Variants in SPATA6L observed in about 807,000 individuals in gnomAD.
SPATA6L encodes the protein spermatogenesis associated 6 like, also known as spermatogenesis associated 6-like protein.
Under a neutral mutation model 49.2 loss-of-function variants are expected in SPATA6L, and 68 were observed. The ratio of observed to expected loss-of-function variants is 1.38; its 90% CI spans 1.14 to 1.69. The LOEUF is 1.69. Ranked by LOEUF, SPATA6L falls within the 40% of genes most tolerant of loss-of-function variation. The pLI is 0.00. For synonymous variants in SPATA6L, 198 were observed against 165.7 expected (o/e 1.19, Z -1.50); for missense variants, 668 against 464.3 (o/e 1.44, Z -4.03).
chr9:4,654,303 C>G (rs1214797937), intron 3 of SPATA6L, among the ~76,000 whole-genome samples: 5 of 152,336 alleles, frequency 3.3e-5, no homozygotes, highest in South Asian at 2.1e-4. Context: ...CTTTGTCCCC[C>G]TCTCAGGACG....
intron 4 of SPATA6L, among the ~76,000 whole-genome samples, chr9:4,629,769 GTATA>G (rs35908661): frequency 0.015 from 1,511 of 101,912 alleles, 23 homozygotes; most frequent in African/African-American, 0.029. Context: ...GTGTGTGTGT[GTATA>G]TATATATATA....
At position 4,600,491 on chromosome 9, in the gene SPATA6L, G is replaced by GAGAGAGA. The variant is rs1564096426; in HGVS notation, c.*319_*320insTCTCTCT. On this transcript the variant is annotated 3_prime_UTR_variant, in exon 12 of 12. Transcript: ENST00000682582. The stretch of plus-strand genomic sequence containing the variant: ...AGAGAGACAGAGAGAGCCAGAGAGA[G>GAGAGAGA]CCAGAGAGAGAGAGAGGGGAAGTGT... 6.9e-6 allele frequency: 1 copy of GAGAGAGA among 144,560 alleles called. No individual in the cohort carries two copies. The highest frequency in any genetic ancestry group is 1.5e-5 in the Non-Finnish European group (1 of 65,810). The allele number at this position is 144,560 out of a possible 1,614,324, so 9.0% of individuals were successfully genotyped here.
intron 9 of SPATA6L, among the ~76,000 whole-genome samples, chr9:4,612,495 T>C (rs1313174426): frequency 6.6e-6 from 1 of 152,094 alleles, no homozygotes; most frequent in Non-Finnish European, 1.5e-5. Flanking sequence ...CCCTTCAGAG[T>C]TCAGTTCAAT....
At chr9:4,635,171 AG>A in intron 4 of SPATA6L, 103 bp downstream of exon 4, 3 of 1,250,392 alleles carry the variant, frequency 2.4e-6, no homozygotes, top group Non-Finnish European at 1.1e-6. Context: ...ACAGAACAGC[AG>A]GGGTACTAAC....
intron 3 of SPATA6L, among the ~76,000 whole-genome samples, chr9:4,644,006 C>CA (rs956205571): frequency 4.0e-5 from 6 of 150,328 alleles, no homozygotes; most frequent in Non-Finnish European, 8.9e-5. Context: ...GATTCTGTCT[C>CA]AAAAAAATCA....
chr9:4,644,529 C>A (rs943190030), intron 3 of SPATA6L, among the ~76,000 whole-genome samples: 2 of 151,946 alleles, frequency 1.3e-5, no homozygotes, highest in African/African-American at 4.8e-5. Context: ...TAAAGATTCT[C>A]TCAGGATTAC....
chr9:4,604,898 T>A (rs1444853060), intron 10 of SPATA6L, among the ~76,000 whole-genome samples: 1 of 152,206 alleles, frequency 6.6e-6, no homozygotes, highest in African/African-American at 2.4e-5. Context: ...GTAAAAGTCA[T>A]ACAGCCAAAA....
intron 6 of SPATA6L, among the ~76,000 whole-genome samples, chr9:4,624,328 G>C (rs1221590513): frequency 6.6e-6 from 1 of 152,224 alleles, no homozygotes; most frequent in Non-Finnish European, 1.5e-5. Flanking sequence ...GCATAAGGCA[G>C]AGAAATTGCG....
chr9:4,646,286 C>T (rs902680035), intron 3 of SPATA6L: 2 of 373,220 alleles, frequency 5.4e-6, no homozygotes, highest in Non-Finnish European at 9.4e-6. Context: ...TGCCATGAAA[C>T]ACCATAAAGT....
intron 3 of SPATA6L, among the ~76,000 whole-genome samples, chr9:4,653,913 G>C (rs1413993014): frequency 6.6e-6 from 1 of 152,202 alleles, no homozygotes; most frequent in Non-Finnish European, 1.5e-5. Flanking sequence ...CTCCAGGCTA[G>C]GTGACAGAGC....
Position 4,662,240 on chromosome 9 carries a change from C to A in SPATA6L, c.40-204G>T. 7.0e-7 allele frequency: 1 copy of A among 1,434,648 alleles called. No homozygotes were observed. Among genetic ancestry groups the A allele is most frequent in the Non-Finnish European group, 9.1e-7 (1 of 1,099,826 alleles). The allele number at this position is 1,434,648 out of a possible 1,614,324, so 88.9% of individuals were successfully genotyped here. ...TTCCAACTCCCTCCCACGTCTCCAC[C>A]AGGTGTCACAATCGCGCTCTCGCCG... On this transcript the variant is annotated intron_variant, in intron 1 of 11. Coordinates refer to ENST00000682582, the MANE Select transcript of SPATA6L (RefSeq NM_001353486.2). This position sits in a 1 kb window ranked among gnomAD's most constrained non-coding sequence, Gnocchi z 4.9.
chr9:4,596,231 G>A (rs921279337), downstream of SPATA6L, among the ~76,000 whole-genome samples: 15 of 152,124 alleles, frequency 9.9e-5, no homozygotes, highest in African/African-American at 3.1e-4. Flanking sequence ...AGGGTCCTGC[G>A]CAATACTGAG....
chr9:4,647,266 T>C (rs1835609242), intron 3 of SPATA6L, among the ~76,000 whole-genome samples: 1 of 152,222 alleles, frequency 6.6e-6, no homozygotes, highest in Non-Finnish European at 1.5e-5. Context: ...TACAACATTG[T>C]GCAATATGAC....
chr9:4,635,563 T>A lies in SPATA6L; in HGVS notation c.227-164A>T, dbSNP rs140593241. Among the ~76,000 whole-genome samples, 1,353 of 152,260 alleles carry A rather than the reference T, an allele frequency of 8.9e-3. 17 individuals carry two copies. The highest frequency in any genetic ancestry group is 0.032 in the African/African-American group (1,311 of 41,544). On this transcript the variant is annotated intron_variant, in intron 3 of 11. Transcript: ENST00000682582. Reference sequence around the variant, plus strand: ...GGAGACTAATTTCTACTACTTTTTATCTCGTGGATAATTTTTTAAAGCCTT... The same window carrying A: ...GGAGACTAATTTCTACTACTTTTTAACTCGTGGATAATTTTTTAAAGCCTT...
At chr9:4,653,527 T>C (rs562029146) in intron 3 of SPATA6L, among the ~76,000 whole-genome samples, 1 of 152,180 alleles carries the variant, frequency 6.6e-6, no homozygotes, top group South Asian at 2.1e-4. Context: ...AATTAAAAAC[T>C]TTTGCATTTC....
At chr9:4,617,619 CTT>C (rs1389004853) in intron 9 of SPATA6L, 2 of 246,932 alleles carry the variant, frequency 8.1e-6, no homozygotes, top group Non-Finnish European at 1.5e-5. Context: ...AATTTTCAAA[CTT>C]TCTGTGGTGA....
chr9:4,635,353 A>G lies in SPATA6L; in HGVS notation c.273T>C (p.Leu91=). 2 of 1,590,084 alleles carry G rather than the reference A, an allele frequency of 1.3e-6. No individual in the cohort carries two copies. Among genetic ancestry groups the G allele is most frequent in the Non-Finnish European group, 1.7e-6 (2 of 1,171,568 alleles). The change falls in exon 4 of 12, where the codon CTT becomes CTC. Residue 91 remains leucine (L), a synonymous_variant. Transcript: ENST00000682582. ...AYYEENTRDF[L]FPEPKLTPSH... is the part of the protein sequence containing the mutation. The stretch of plus-strand genomic sequence containing the variant: ...AAGGTGTCAGCTTGGGCTCTGGGAA[A>G]AGAAAATCTCGTGTGTTTTCTTCGT...
chr9:4,609,337 C>G lies in SPATA6L; in HGVS notation c.996-3897G>C, dbSNP rs531622651. Among the ~76,000 whole-genome samples, 4 of 152,070 alleles carry G rather than the reference C, an allele frequency of 2.6e-5. No individual in the cohort carries two copies. In the South Asian group the frequency reaches 8.3e-4, roughly 32 times the overall value. ...CTGATACCAAAGCCTGGCAGAGACA[C>G]AACCAAAAAAGAGAATTTTAGACCA... is the stretch of plus-strand genomic sequence containing the variant. On this transcript the variant is annotated intron_variant, in intron 9 of 11. Transcript: ENST00000682582.
intron 7 of SPATA6L, 21 bp from the exon 8 acceptor site, chr9:4,618,919 C>CA (rs1828632629): frequency 1.1e-5 from 18 of 1,611,576 alleles, no homozygotes; most frequent in Non-Finnish European, 1.4e-5. Flanking sequence ...GAGGAACAGG[C>CA]ATTTCAATGA....
Sources: gnomAD v4.1 joint callset for allele counts (sites outside exome capture counted in the v4.1 genomes callset) on GRCh38, gnomAD v4.1.1 for gene constraint, Gnocchi (gnomAD v3.1) non-coding constraint, MANE v1.5 for transcripts, NCBI Gene and HGNC (gene_info 2026-07-23, HGNC 2026-07-21) for gene names.